Variants in ITIH5 observed in about 807,000 individuals in gnomAD.
ITIH5 encodes inter-alpha-trypsin inhibitor heavy chain H5.
A neutral mutation model predicts 77.5 loss-of-function variants in ITIH5; 65 were observed. That is an observed-to-expected ratio of 0.84 (90% CI 0.69 to 1.03). The LOEUF is 1.03. Ranked by LOEUF, ITIH5 falls within the 50% of genes least tolerant of loss-of-function variation. ITIH5 has a pLI of 0.00. For missense variants in ITIH5, 1,208 were observed against 1,213.1 expected, an observed-to-expected ratio of 1.00 and a Z score of 0.06; for synonymous variants, 525 against 494.3, an observed-to-expected ratio of 1.06 and a Z score of -0.82.
rs934897876 is a variant in ITIH5, at chr10:7,604,308, T to C, written c.939+11674A>G. Among the ~76,000 whole-genome samples the C allele has an allele frequency of 2.0e-5, 3 of 152,164 alleles. No individual in the cohort carries two copies. The East Asian group carries it at 5.8e-4, about 29-fold the overall frequency. ...TACTCTCCCCTAAGGGTGCAGTCCT[T>C]TGATGGAGCCAGCTTCATCAGGGGT... is the stretch of plus-strand genomic sequence containing the variant. On this transcript the variant is annotated intron_variant, in intron 7 of 13. Transcript: ENST00000397146.
At chr10:7,589,659 C>G (rs1374719020) in intron 7 of ITIH5, among the ~76,000 whole-genome samples, 3 of 151,906 alleles carry the variant, frequency 2.0e-5, no homozygotes, top group African/African-American at 7.3e-5. Context: ...CTGCTATTCC[C>G]TCCTCCTATC....
intron 13 of ITIH5, among the ~76,000 whole-genome samples, chr10:7,565,070 G>GTA (rs138314369): frequency 0.07 from 9,561 of 135,800 alleles, 959 homozygotes; most frequent in African/African-American, 0.23. Flanking sequence ...CACATAGACT[G>GTA]TATATATATA....
intron 2 of ITIH5, among the ~76,000 whole-genome samples, chr10:7,644,566 GATATATATCACATATATCAC>G (rs1564277568): frequency 2.8e-5 from 2 of 72,560 alleles, no homozygotes; most frequent in Admixed American, 1.7e-4. Context: ...ACATATATAT[GATATATATCACATATATCAC>G]ATATATATCA....
chr10:7,575,129 A>G (rs976390024), intron 10 of ITIH5, among the ~76,000 whole-genome samples: 2 of 152,232 alleles, frequency 1.3e-5, no homozygotes, highest in African/African-American at 4.8e-5. Context: ...ACTTTTCAAT[A>G]CATTTCTGGT....
intron 1 of ITIH5, among the ~76,000 whole-genome samples, chr10:7,663,065 G>C: frequency 6.6e-6 from 1 of 152,200 alleles, no homozygotes; most frequent in East Asian, 1.9e-4. Context: ...TGTGCCATGA[G>C]CTACAAATAC....
intron 7 of ITIH5, among the ~76,000 whole-genome samples, chr10:7,586,862 G>T (rs1033165818): frequency 6.6e-6 from 1 of 151,254 alleles, no homozygotes; most frequent in African/African-American, 2.4e-5. Context: ...ACAAACTCTC[G>T]CTCTGTCACC....
chr10:7,664,932 G>A lies in ITIH5; in HGVS notation c.90+1871C>T, dbSNP rs1221343609. The stretch of plus-strand genomic sequence containing the variant: ...CATACAGAGATAGAGGCTCACAAAC[G>A]TTAAGTAACTCCTCAGTAAGTGCAG... On this transcript the variant is annotated intron_variant, in intron 1 of 13. Transcript: ENST00000397146. Among the ~76,000 whole-genome samples the A allele has an allele frequency of 3.3e-5, 5 of 152,116 alleles. No homozygotes were observed. The East Asian group carries it at 9.6e-4, about 29-fold the overall frequency.
intron 5 of ITIH5, among the ~76,000 whole-genome samples, chr10:7,627,420 C>T (rs543634675): frequency 5.3e-5 from 8 of 151,808 alleles, no homozygotes; most frequent in Non-Finnish European, 7.4e-5. Context: ...AGTCTCTGGT[C>T]GAGGGGACTT....
chr10:7,648,330 A>C (rs1834039461), intron 2 of ITIH5, among the ~76,000 whole-genome samples: 1 of 151,920 alleles, frequency 6.6e-6, no homozygotes, highest in African/African-American at 2.4e-5. Context: ...AAAATATAGA[A>C]CTCCAAAGGT....
At chr10:7,658,941 G>A (rs1486385745) in intron 1 of ITIH5, among the ~76,000 whole-genome samples, 4 of 152,126 alleles carry the variant, frequency 2.6e-5, no homozygotes, top group Admixed American at 6.5e-5. Flanking sequence ...TTCCCGTGAC[G>A]GTCTGAACCA....
At chr10:7,594,612 GC>G (rs5782986) in intron 7 of ITIH5, among the ~76,000 whole-genome samples, 27,068 of 152,058 alleles carry the variant, frequency 0.18, 2,564 homozygotes, top group Middle Eastern at 0.3. Flanking sequence ...GGCCTGATTC[GC>G]GAGGGGATTA....
chr10:7,619,294 A>G (rs915502602), intron 5 of ITIH5: 12 of 152,612 alleles, frequency 7.9e-5, no homozygotes, highest in African/African-American at 2.7e-4. Flanking sequence ...ACGCACGATC[A>G]TGGTCAGAAA....
chr10:7,662,936 G>A (rs1021668472), intron 1 of ITIH5, among the ~76,000 whole-genome samples: 1 of 152,146 alleles, frequency 6.6e-6, no homozygotes, highest in African/African-American at 2.4e-5. Context: ...GCAAAAATTT[G>A]CTTCTCAGTG....
chr10:7,642,017 G>T lies in ITIH5; in HGVS notation c.209C>A (p.Ser70Tyr), dbSNP rs747492067. 6.2e-7 allele frequency: 1 copy of T among 1,613,976 alleles called. No homozygotes were observed. The highest frequency in any genetic ancestry group is 8.5e-7 in the Non-Finnish European group (1 of 1,179,832). Reference sequence around the variant, plus strand: ...AGAAGCTCTGTTCAGCATTCTGCAGGAAACCGTAGTGAAGGCATAACGGGA... The same window carrying T: ...AGAAGCTCTGTTCAGCATTCTGCAGTAAACCGTAGTGAAGGCATAACGGGA... ...IISRYAFTTV[S>Y]CRMLNRASED... Residue 70 changes from serine (S) to tyrosine (Y), a missense_variant, in exon 3 of 14, where the codon TCC becomes TAC. Ser to Tyr is a moderately radical substitution (Grantham distance 144). Transcript: ENST00000397146.
At chr10:7,627,330 T>TAA (rs55799504) in intron 5 of ITIH5, among the ~76,000 whole-genome samples, 3 of 132,134 alleles carry the variant, frequency 2.3e-5, no homozygotes, top group East Asian at 2.2e-4. Flanking sequence ...GAAGATAAAG[T>TAA]AAAAAAAAAA....
chr10:7,564,649 G>A (rs1295742337), intron 13 of ITIH5, among the ~76,000 whole-genome samples: 1 of 151,834 alleles, frequency 6.6e-6, no homozygotes, highest in African/African-American at 2.4e-5. Flanking sequence ...ATTCTAGATG[G>A]TCACGTAATG....
intron 1 of ITIH5, 49 bp from the exon 2 acceptor site, chr10:7,655,724 G>A (rs770847070): frequency 7.2e-7 from 1 of 1,397,668 alleles, no homozygotes; most frequent in Non-Finnish European, 1.0e-6. Flanking sequence ...AAAGAGAAGA[G>A]ACATGAAATA....
intron 2 of ITIH5, among the ~76,000 whole-genome samples, chr10:7,652,827 A>G (rs1458241575): frequency 6.6e-6 from 1 of 152,318 alleles, no homozygotes; most frequent in Non-Finnish European, 1.5e-5. Flanking sequence ...TCTATCACAT[A>G]CAAAGGTCTC....
In ITIH5 at chr10:7,666,824, G is replaced by A. The variant is rs745785871; in HGVS notation, c.69C>T (p.Ser23=). ...TTACCTGCTCCGAAGAGTGGCCCCA[G>A]CTCTGCGCCTCTTCCTGCGACCCCA... ...LCVGSQEEAQ[S]WGHSSEQDGL... The change falls in exon 1 of 14, where the codon AGC becomes AGT. Residue 23 remains serine, a synonymous_variant. Coordinates refer to ENST00000397146, the MANE Select transcript of ITIH5 (RefSeq NM_030569.7). 13 of 1,608,846 alleles carry A rather than the reference G, an allele frequency of 8.1e-6. No homozygotes were observed. The African/African-American group carries it at 1.5e-4, about 18-fold the overall frequency.
Sources: gnomAD v4.1 joint callset for allele counts (sites outside exome capture counted in the v4.1 genomes callset) on GRCh38, gnomAD v4.1.1 for gene constraint, MANE v1.5 for transcripts, NCBI Gene and HGNC (gene_info 2026-07-23, HGNC 2026-07-21) for gene names.